The following NKIRAS2 variants were observed in gnomAD, a reference collection of about 807,000 sequenced individuals.
The protein encoded by NKIRAS2 is NF-kappa-B inhibitor-interacting Ras-like protein 2.
A neutral mutation model predicts 20.7 loss-of-function variants in NKIRAS2; 15 were observed. The ratio of observed to expected loss-of-function variants is 0.73; its 90% CI spans 0.49 to 1.12. The LOEUF (loss-of-function observed/expected upper bound fraction) is 1.12. NKIRAS2 is among the 50% of genes most tolerant of loss of function. The pLI, the probability that NKIRAS2 is intolerant of heterozygous loss-of-function variation, is 0.00. For synonymous variants in NKIRAS2, 116 were observed against 101.4 expected, an observed-to-expected ratio of 1.14 and a Z score of -0.87; for missense variants, 196 against 249.6, an observed-to-expected ratio of 0.79 and a Z score of 1.45.
Position 42,022,452 on chromosome 17 carries a change from G to C in NKIRAS2, c.148G>C (p.Asp50His), listed in dbSNP as rs782167937. 2 of 1,610,618 alleles carry C rather than the reference G, an allele frequency of 1.2e-6. No homozygotes were observed. The highest frequency in any genetic ancestry group is 1.1e-5 in the South Asian group (1 of 91,010). The change falls in exon 3 of 4, where the codon GAC becomes CAC. Residue 50 changes from aspartate to histidine, a missense_variant. Transcript: ENST00000393885. ...EDIYVGSIET[D>H]RGVREQVRFY... Reference sequence around the variant, plus strand: ...CATCTACGTGGGCTCCATTGAGACAGACCGGGGGGTGCGAGAGCAGGTGCG... The same window carrying C: ...CATCTACGTGGGCTCCATTGAGACACACCGGGGGGTGCGAGAGCAGGTGCG...
In NKIRAS2 at chr17:42,023,808, T is replaced by C. The variant is rs1555653609; in HGVS notation, c.491T>C (p.Leu164Ser). The change falls in exon 4 of 4, where the codon TTG (leucine) becomes TCG (serine). Residue 164 changes from leucine to serine, a missense_variant. Coordinates refer to ENST00000393885, the MANE Select transcript of NKIRAS2 (RefSeq NM_017595.6). ...TCCCTCCTGGAGCCCTTTGTCTACT[T>C]GGCCAGCAAGATGACGCAACCCCAG... ...RRSLLEPFVY[L>S]ASKMTQPQSK... The C allele has an allele frequency of 1.2e-6, 2 of 1,614,184 alleles. No homozygotes were observed. Among genetic ancestry groups the C allele is most frequent in the Non-Finnish European group, 1.7e-6 (2 of 1,180,038 alleles).
At chr17:42,018,734 G>A (rs2052372780), upstream of NKIRAS2, among the ~76,000 whole-genome samples, 1 of 152,112 alleles carries the variant, frequency 6.6e-6, no homozygotes, top group Non-Finnish European at 1.5e-5. Flanking sequence ...TCTATCTAAG[G>A]CAACTCATTT....
intron 2 of NKIRAS2, 97 bp from the exon 3 acceptor site, chr17:42,022,302 A>T: frequency 7.5e-7 from 1 of 1,332,874 alleles, no homozygotes; most frequent in Middle Eastern, 2.0e-4. Flanking sequence ...AGCCCCCTAC[A>T]TTCCTTTCTC....
At chr17:42,019,444 G>A (rs1424047157), upstream of NKIRAS2, among the ~76,000 whole-genome samples, 2 of 152,240 alleles carry the variant, frequency 1.3e-5, no homozygotes, top group East Asian at 1.9e-4. Flanking sequence ...TTCCATTGCC[G>A]TCAATTTGAT....
intron 3 of NKIRAS2, among the ~76,000 whole-genome samples, chr17:42,023,331 G>A (rs782124983): frequency 1.1e-4 from 17 of 152,234 alleles, no homozygotes; most frequent in Non-Finnish European, 2.5e-4. Flanking sequence ...GAATCCCACA[G>A]TAAGCTGCAG....
At chr17:42,019,327 T>A (rs1418630051), upstream of NKIRAS2, among the ~76,000 whole-genome samples, 1 of 152,092 alleles carries the variant, frequency 6.6e-6, no homozygotes, top group Non-Finnish European at 1.5e-5. Flanking sequence ...TTGGAATACA[T>A]CAATAGTCTC....
At chr17:42,022,786 T>C in intron 3 of NKIRAS2, 146 bp downstream of exon 3, 1 of 987,220 alleles carries the variant, frequency 1.0e-6, no homozygotes, top group Non-Finnish European at 1.5e-6. Flanking sequence ...AGGGTATCTT[T>C]ACCCTCAGGA....
Position 42,021,481 on chromosome 17 carries a change from C to T in NKIRAS2, c.-14-83C>T. ...TGTTTTTTTGGTTTTTGTTTTTGTC[C>T]ACCAGAAAACATCTGCTAGTAACTG... is the stretch of plus-strand genomic sequence containing the variant. On this transcript the variant is annotated intron_variant, in intron 1 of 3. Coordinates refer to ENST00000393885, the MANE Select transcript of NKIRAS2 (RefSeq NM_017595.6). 6 of 1,191,110 alleles carry T rather than the reference C, an allele frequency of 5.0e-6. No individual in the cohort carries two copies. In the Admixed American group the frequency reaches 7.2e-5, roughly 14 times the overall value. The allele number at this position is 1,191,110 out of a possible 1,614,324, so 73.8% of individuals were successfully genotyped here.
chr17:42,021,050 T>C (rs782210259), intron 1 of NKIRAS2: 5 of 157,796 alleles, frequency 3.2e-5, no homozygotes, highest in Non-Finnish European at 5.6e-5. Flanking sequence ...TTATCCTTTT[T>C]ATTTGCTCAG....
At position 42,022,654 on chromosome 17, in the gene NKIRAS2, G is replaced by A. The variant is rs781799133; in HGVS notation, c.336+14G>A. On this transcript the variant is annotated intron_variant, in intron 3 of 3. Transcript: ENST00000393885. ...GACAAGAAGGAGGTGTGTGGCATAG[G>A]CTTCTGGTGGGAGCCTCAGTGGTCA... is the stretch of plus-strand genomic sequence containing the variant. The A allele has an allele frequency of 1.3e-5, 21 of 1,603,528 alleles. No individual in the cohort carries two copies. The Admixed American group carries it at 3.5e-4, about 27-fold the overall frequency.
chr17:42,021,357 C>T, intron 1 of NKIRAS2: 1 of 529,634 alleles, frequency 1.9e-6, no homozygotes, highest in Non-Finnish European at 3.4e-6. Flanking sequence ...TCCGTTTCCT[C>T]TGACTAGCAT....
intron 2 of NKIRAS2, 82 bp from the exon 3 acceptor site, chr17:42,022,317 T>G: frequency 1.4e-6 from 2 of 1,425,852 alleles, no homozygotes; most frequent in South Asian, 1.4e-5. Flanking sequence ...TTTCTCCCCA[T>G]TTGGTCAGCC....
chr17:42,018,204 ACT>A (rs782578036), upstream of NKIRAS2, among the ~76,000 whole-genome samples: 2 of 151,266 alleles, frequency 1.3e-5, no homozygotes, highest in African/African-American at 2.4e-5. Context: ...TCTTATATAA[ACT>A]CTCTACTCAT....
intron 2 of NKIRAS2, chr17:42,022,166 G>A (rs1598170275): frequency 5.9e-6 from 3 of 512,720 alleles, no homozygotes; most frequent in South Asian, 2.1e-5. Flanking sequence ...CCGAGATTGC[G>A]CCATTGCACT....
Position 42,023,825 on chromosome 17 carries a change from C to G in NKIRAS2, c.508C>G (p.Gln170Glu). The G allele has an allele frequency of 1.2e-6, 2 of 1,614,192 alleles. No homozygotes were observed. The highest frequency in any genetic ancestry group is 1.7e-6 in the Non-Finnish European group (2 of 1,180,036). ...PFVYLASKMT[Q>E]PQSKSAFPLS... ...TGTCTACTTGGCCAGCAAGATGACG[C>G]AACCCCAGAGCAAGTCTGCCTTCCC... Residue 170 changes from glutamine (Q) to glutamate (E), a missense_variant, in exon 4 of 4, where the codon CAA becomes GAA. Coordinates refer to ENST00000393885, the MANE Select transcript of NKIRAS2 (RefSeq NM_017595.6).
chr17:42,023,563 C>G (rs974500388), intron 3 of NKIRAS2, 91 bp from the exon 4 acceptor site: 1 of 1,172,016 alleles, frequency 8.5e-7, no homozygotes. Context: ...GAGCTTTCCT[C>G]TCATAGAACT....
Position 42,024,132 on chromosome 17 carries a change from G to A in NKIRAS2, c.*239G>A. The A allele has an allele frequency of 1.8e-6, 1 of 546,888 alleles. No individual in the cohort carries two copies. The highest frequency in any genetic ancestry group is 3.2e-6 in the Non-Finnish European group (1 of 315,556). 33.9% of individuals were successfully genotyped at this position (546,888 alleles called of 1,614,324 possible). A position where few individuals can be genotyped will look rare whatever the true frequency, so the allele number is the denominator to read the frequency against. On this transcript the variant is annotated 3_prime_UTR_variant, in exon 4 of 4. Coordinates refer to ENST00000393885, the MANE Select transcript of NKIRAS2 (RefSeq NM_017595.6). ...CCCCATCCCAGCTTTTAGAGGATCT[G>A]CTCCACTGTCTCCTGGGGCAGTTGT...
chr17:42,021,535 C>G, intron 1 of NKIRAS2, 29 bp from the exon 2 acceptor site: 1 of 1,583,290 alleles, frequency 6.3e-7, no homozygotes, highest in Non-Finnish European at 8.7e-7. Context: ...TCTTTCCTCA[C>G]CTTACCCAGC....
At chr17:42,023,056 G>A (rs1555653421) in intron 3 of NKIRAS2, 2 of 337,730 alleles carry the variant, frequency 5.9e-6, no homozygotes, top group South Asian at 4.5e-5. Context: ...AGGCTGGAGT[G>A]CAGTGGCATG....
Sources: allele counts gnomAD v4.1 joint callset (sites outside exome capture counted in the v4.1 genomes callset), GRCh38; gene constraint gnomAD v4.1.1; transcripts MANE v1.5; gene names NCBI Gene and HGNC (gene_info 2026-07-23, HGNC 2026-07-21).